PRTG: variants seen among roughly 807,000 people sequenced by gnomAD.
PRTG encodes the protein immunoglobulin superfamily, DCC subclass, member 5.
PRTG carries 67 observed loss-of-function variants against 122.5 expected under a neutral mutation model. The ratio of observed to expected loss-of-function variants is 0.55; its 90% confidence interval spans 0.45 to 0.67. The LOEUF (loss-of-function observed/expected upper bound fraction) is 0.67, where lower values mean the gene tolerates loss of function less well. PRTG is among the 30% of genes least tolerant of loss of function. The pLI, the probability that PRTG is intolerant of heterozygous loss-of-function variation, is 0.00. For synonymous variants in PRTG, 554 were observed against 501.1 expected, an observed-to-expected ratio of 1.11 and a Z score of -1.41; for missense variants, 1,435 against 1,415.4, an observed-to-expected ratio of 1.01 and a Z score of -0.22.
At chr15:55,726,403 G>T (rs140722061) in intron 2 of PRTG, among the ~76,000 whole-genome samples, 1 of 152,018 alleles carries the variant, frequency 6.6e-6, no homozygotes, top group Admixed American at 6.6e-5. Flanking sequence ...ATCCAAAGAC[G>T]CAAATAGATA....
In PRTG at chr15:55,740,691, G is replaced by C; in HGVS notation, c.95-7C>G. The C allele has an allele frequency of 6.3e-7, 1 of 1,582,556 alleles. No homozygotes were observed. The highest frequency in any genetic ancestry group is 8.6e-7 in the Non-Finnish European group (1 of 1,167,882). On this transcript the variant is annotated splice_region_variant and splice_polypyrimidine_tract_variant and intron_variant, in intron 1 of 19. Coordinates refer to ENST00000389286, the MANE Select transcript of PRTG (RefSeq NM_173814.6). ...TCGCTAAAGCACCACACTCCTATAA[G>C]GAAAAAAAAGGAGAACGGCACATCC...
chr15:55,675,379 G>A (rs571703938), intron 9 of PRTG, 140 bp downstream of exon 9: 11 of 529,874 alleles, frequency 2.1e-5, no homozygotes, highest in African/African-American at 1.9e-4. Context: ...AAAAGCAAGA[G>A]TGAGATTTTG....
chr15:55,657,786 T>C (rs886146106), intron 11 of PRTG, among the ~76,000 whole-genome samples: 1 of 152,226 alleles, frequency 6.6e-6, no homozygotes, highest in African/African-American at 2.4e-5. Flanking sequence ...TTTTATTGAT[T>C]TTCCAGTCTT....
chr15:55,700,738 A>T (rs908217106), intron 2 of PRTG, among the ~76,000 whole-genome samples: 1 of 152,114 alleles, frequency 6.6e-6, no homozygotes, highest in Non-Finnish European at 1.5e-5. Flanking sequence ...CCTGGATCGC[A>T]CCACTGCTAT....
Position 55,714,387 on chromosome 15 carries a change from C to G in PRTG, c.397+25995G>C, listed in dbSNP as rs567452176. Among the ~76,000 whole-genome samples the G allele has an allele frequency of 4.9e-4, 75 of 151,840 alleles. 1 individual carries two copies. The highest frequency in any genetic ancestry group is 8.7e-4 in the African/African-American group (36 of 41,378). On this transcript the variant is annotated intron_variant, in intron 2 of 19. Transcript: ENST00000389286. ...GACTACAGATGTGCACCCCCACCCC[C>G]CCGCTAGTTTTAAAAACATTTTTTG...
At chr15:55,713,623 T>C (rs926590036) in intron 2 of PRTG, among the ~76,000 whole-genome samples, 5 of 152,240 alleles carry the variant, frequency 3.3e-5, no homozygotes, top group African/African-American at 1.2e-4. Context: ...GTCAATTTAC[T>C]GGATGTAAAA....
chr15:55,642,336 G>A (rs2059296489), intron 11 of PRTG, among the ~76,000 whole-genome samples: 1 of 151,810 alleles, frequency 6.6e-6, no homozygotes, highest in African/African-American at 2.4e-5. Context: ...TACAACTCAG[G>A]CTGGGTGCAG....
intron 18 of PRTG, among the ~76,000 whole-genome samples, chr15:55,623,435 C>T (rs11853232): frequency 0.074 from 11,311 of 152,136 alleles, 519 homozygotes; most frequent in Non-Finnish European, 0.11. Context: ...GGCATGGTGG[C>T]GCACGCCTGT....
chr15:55,638,047 C>A (rs8037279), intron 14 of PRTG, among the ~76,000 whole-genome samples: 6,254 of 152,098 alleles, frequency 0.041, 408 homozygotes, highest in African/African-American at 0.14. Flanking sequence ...TTATCTAGTC[C>A]TTCGTCCTCA....
intron 2 of PRTG, among the ~76,000 whole-genome samples, chr15:55,735,512 G>T (rs1192383584): frequency 6.6e-6 from 1 of 151,678 alleles, no homozygotes; most frequent in Admixed American, 6.6e-5. Flanking sequence ...TGGGAGCAAT[G>T]ACAACAAATC....
intron 11 of PRTG, among the ~76,000 whole-genome samples, chr15:55,660,722 G>A (rs968579010): frequency 9.9e-5 from 15 of 152,100 alleles, no homozygotes; most frequent in African/African-American, 3.6e-4. Flanking sequence ...TTTATTTGAG[G>A]TTTTATTAGC....
intron 11 of PRTG, among the ~76,000 whole-genome samples, chr15:55,644,331 T>C (rs1343383082): frequency 6.6e-6 from 1 of 152,124 alleles, no homozygotes; most frequent in Non-Finnish European, 1.5e-5. Flanking sequence ...AGAAAGCTCA[T>C]TTTGATGAGG....
At chr15:55,629,821 T>C (rs1048249766) in intron 15 of PRTG, among the ~76,000 whole-genome samples, 2 of 143,972 alleles carry the variant, frequency 1.4e-5, no homozygotes, top group African/African-American at 5.2e-5. Flanking sequence ...CTGGTCTAAT[T>C]TTTTTTTTTT....
intron 18 of PRTG, among the ~76,000 whole-genome samples, chr15:55,622,216 G>GTTTGTT: frequency 8.8e-6 from 1 of 113,442 alleles, no homozygotes; most frequent in East Asian, 2.7e-4. Flanking sequence ...ATTAGTACTT[G>GTTTGTT]TTTTTTTTTT....
At chr15:55,711,089 T>TG (rs1368884904) in intron 2 of PRTG, among the ~76,000 whole-genome samples, 3 of 150,566 alleles carry the variant, frequency 2.0e-5, no homozygotes, top group Non-Finnish European at 4.4e-5. Context: ...GTATTTTTTT[T>TG]TTTTTTTTTT....
chr15:55,621,998 T>C (rs1306495872), intron 18 of PRTG, among the ~76,000 whole-genome samples: 1 of 152,084 alleles, frequency 6.6e-6, no homozygotes, highest in African/African-American at 2.4e-5. Flanking sequence ...AAAATGACAT[T>C]AGATGGAGTA....
intron 2 of PRTG, 50 bp from the exon 3 acceptor site, chr15:55,683,981 T>G: frequency 1.3e-6 from 2 of 1,515,994 alleles, no homozygotes; most frequent in Non-Finnish European, 9.1e-7. Flanking sequence ...AAAATAACAC[T>G]TAGAAGTAAC....
At chr15:55,689,427 T>C (rs997062449) in intron 2 of PRTG, among the ~76,000 whole-genome samples, 22 of 152,154 alleles carry the variant, frequency 1.4e-4, no homozygotes, top group South Asian at 1.2e-3. Context: ...TAACTCTTTT[T>C]AGCTGGGTGT....
At chr15:55,721,257 C>G (rs1477586084) in intron 2 of PRTG, among the ~76,000 whole-genome samples, 1 of 152,230 alleles carries the variant, frequency 6.6e-6, no homozygotes, top group Non-Finnish European at 1.5e-5. Context: ...GTCCCAGCCT[C>G]CACTCTGCCT....
Sources: gnomAD v4.1 joint callset for allele counts (sites outside exome capture counted in the v4.1 genomes callset) on GRCh38, gnomAD v4.1.1 for gene constraint, MANE v1.5 for transcripts, NCBI Gene and HGNC (gene_info 2026-07-23, HGNC 2026-07-21) for gene names.